The following GPM6B variants were observed in gnomAD, a reference collection of about 807,000 sequenced individuals.
GPM6B encodes neuronal membrane glycoprotein M6-b.
In GPM6B, 4 loss-of-function variants were observed where a neutral mutation model predicts 27.2. The ratio of observed to expected loss-of-function variants is 0.15; its 90% CI spans 0.07 to 0.34. The LOEUF is 0.34. Among genes scored for constraint, GPM6B ranks in the 10% least tolerant of loss-of-function variants. The pLI is 1.00. For synonymous variants in GPM6B, 124 were observed against 103.1 expected (o/e 1.20, Z -1.23); for missense variants, 183 against 261.9 (o/e 0.70, Z 2.08).
In GPM6B at chrX:13,831,044, G is replaced by A. The variant is rs910104675; in HGVS notation, c.-197-45236C>T. Among the ~76,000 whole-genome samples, 5 of 110,795 alleles carry A rather than the reference G, an allele frequency of 4.5e-5. No individual in the cohort carries two copies. The Admixed American group carries it at 4.9e-4, about 11-fold the overall frequency. On this transcript the variant is annotated intron_variant, in intron 1 of 6. Coordinates refer to the GPM6B transcript ENST00000398361. ...TATAGGAGTCTGTTCTTTTGCTGCTGTGGCAGGTCACTGGTACCTTCCCCT... is the reference window on the plus strand; with the variant it reads ...TATAGGAGTCTGTTCTTTTGCTGCTATGGCAGGTCACTGGTACCTTCCCCT...
Position 13,793,406 on chromosome X carries a change from T to C in GPM6B, c.182-7598A>G, listed in dbSNP as rs2048750821. ...AAAGTAAGCTGTGCCCCGTCCACCT[T>C]AGGCACATGTTATTAGGATCTCCCG... On this transcript the variant is annotated intron_variant, in intron 2 of 7. Coordinates refer to ENST00000316715, the MANE Select transcript of GPM6B (RefSeq NM_001001995.3). Among the ~76,000 whole-genome samples, 6 of 111,424 alleles carry C rather than the reference T, an allele frequency of 5.4e-5. No individual in the cohort carries two copies. The Admixed American group carries it at 5.7e-4, about 11-fold the overall frequency.
chrX:13,904,032 T>C (rs1370837748), intron 1 of GPM6B, among the ~76,000 whole-genome samples: 1 of 111,419 alleles, frequency 9.0e-6, no homozygotes, highest in Non-Finnish European at 1.9e-5. Flanking sequence ...GGCAGTCAGC[T>C]GAACCCTCCA....
chrX:13,925,490 C>CTT (rs57186854), intron 1 of GPM6B, among the ~76,000 whole-genome samples: 11,027 of 79,725 alleles, frequency 0.14, 914 homozygotes, highest in East Asian at 0.22. Context: ...CCATGTCTGG[C>CTT]TTTTTTTTTT....
At chrX:13,907,422 G>C (rs1347930858) in intron 1 of GPM6B, among the ~76,000 whole-genome samples, 1 of 112,307 alleles carries the variant, frequency 8.9e-6, no homozygotes, top group Admixed American at 9.4e-5. Context: ...AGTGGCTCAC[G>C]CCTGTAATCC....
chrX:13,877,983 A>C (rs1406725989), intron 1 of GPM6B, among the ~76,000 whole-genome samples: 1 of 110,334 alleles, frequency 9.1e-6, no homozygotes, highest in Non-Finnish European at 1.9e-5. Context: ...TATCACTCAT[A>C]CAAGAGTTAA....
In GPM6B at chrX:13,902,327, G is replaced by C. The variant is rs192524069; in HGVS notation, c.-198+36000C>G. On this transcript the variant is annotated intron_variant, in intron 1 of 6. Transcript: ENST00000398361. ...AAGGCAATTCCATAAATGTGGACTG[G>C]ATTTTTTTTTTTTAGCATTTACGTT... Among the ~76,000 whole-genome samples the C allele has an allele frequency of 2.0e-4, 22 of 109,725 alleles. No homozygotes were observed. The East Asian group carries it at 6.8e-3, about 34-fold the overall frequency.
chrX:13,903,556 A>G (rs1447862366), intron 1 of GPM6B, among the ~76,000 whole-genome samples: 3 of 111,834 alleles, frequency 2.7e-5, no homozygotes, highest in Non-Finnish European at 5.6e-5. Flanking sequence ...TTTACCACGC[A>G]GACTCTTGGA....
At chrX:13,918,196 G>A (rs2050446360) in intron 1 of GPM6B, among the ~76,000 whole-genome samples, 1 of 112,948 alleles carries the variant, frequency 8.9e-6, no homozygotes, top group South Asian at 3.6e-4. Flanking sequence ...CAAGGACAAG[G>A]ACTGTCTTAT....
At chrX:13,856,453 A>T (rs778854950) in intron 1 of GPM6B, among the ~76,000 whole-genome samples, 25 of 112,015 alleles carry the variant, frequency 2.2e-4, no homozygotes, top group Admixed American at 7.6e-4. Context: ...ACCCCCCTGA[A>T]TCAGAATCTG....
chrX:13,874,857 G>A (rs749976340), intron 1 of GPM6B, among the ~76,000 whole-genome samples: 23 of 111,516 alleles, frequency 2.1e-4, no homozygotes, highest in African/African-American at 3.9e-4. Flanking sequence ...AAGACTAAAC[G>A]AGGTCAAACT....
intron 1 of GPM6B, among the ~76,000 whole-genome samples, chrX:13,861,085 C>T (rs975013471): frequency 5.6e-5 from 6 of 107,641 alleles, no homozygotes; most frequent in Non-Finnish European, 1.1e-4. Context: ...TACATATACA[C>T]ACATATATAC....
chrX:13,874,435 C>T (rs996879476), intron 1 of GPM6B, among the ~76,000 whole-genome samples: 1 of 110,027 alleles, frequency 9.1e-6, no homozygotes, highest in African/African-American at 3.3e-5. Context: ...CAGTGGCCCA[C>T]GCCTATAATC....
intron 1 of GPM6B, among the ~76,000 whole-genome samples, chrX:13,843,216 C>T (rs954471503): frequency 1.1e-4 from 12 of 112,156 alleles, no homozygotes; most frequent in Non-Finnish European, 2.3e-4. Flanking sequence ...TCCTTTGTGA[C>T]TGGAGTCTTT....
At chrX:13,872,648 C>T (rs139114836) in intron 1 of GPM6B, among the ~76,000 whole-genome samples, 63 of 105,209 alleles carry the variant, frequency 6.0e-4, no homozygotes, top group African/African-American at 2.1e-3. Flanking sequence ...ACGAGATGAC[C>T]CAGCTGGATA....
chrX:13,827,959 C>T (rs1328627628), intron 1 of GPM6B, among the ~76,000 whole-genome samples: 1 of 110,897 alleles, frequency 9.0e-6, no homozygotes, highest in African/African-American at 3.3e-5. Context: ...TTCTACCTGT[C>T]GGGCTGCCAG....
chrX:13,908,373 T>C (rs757223329), intron 1 of GPM6B, among the ~76,000 whole-genome samples: 69 of 112,200 alleles, frequency 6.1e-4, no homozygotes, highest in African/African-American at 2.2e-3. Context: ...GCCTCAAATG[T>C]ACAACCTTAA....
intron 1 of GPM6B, among the ~76,000 whole-genome samples, chrX:13,858,662 T>C (rs2049809032): frequency 9.0e-6 from 1 of 111,537 alleles, no homozygotes; most frequent in Non-Finnish European, 1.9e-5. Context: ...GCCACATCTC[T>C]GCTCAAATTA....
intron 1 of GPM6B, among the ~76,000 whole-genome samples, chrX:13,865,786 A>G (rs886454788): frequency 1.9e-5 from 2 of 107,596 alleles, no homozygotes; most frequent in South Asian, 8.1e-4. Flanking sequence ...AAAAAATGAA[A>G]GAAAAAAACC....
At chrX:13,776,748 T>A (rs924150545) in intron 6 of GPM6B, among the ~76,000 whole-genome samples, 8 of 112,397 alleles carry the variant, frequency 7.1e-5, no homozygotes, top group Middle Eastern at 4.2e-3. Context: ...ATTTAAGAAT[T>A]TTCCTTTATA....
Sources: gnomAD v4.1 joint callset for allele counts (sites outside exome capture counted in the v4.1 genomes callset) on GRCh38, gnomAD v4.1.1 for gene constraint, MANE v1.5 for transcripts, NCBI Gene and HGNC (gene_info 2026-07-23, HGNC 2026-07-21) for gene names.